The following DPP10 variants were observed in gnomAD, a reference collection of about 807,000 sequenced individuals.
DPP10 encodes dipeptidyl peptidase like 10.
DPP10 carries 33 observed loss-of-function variants against 120.9 expected under a neutral mutation model. The observed-to-expected ratio is 0.27, with a 90% confidence interval of 0.21 to 0.37. The LOEUF is 0.37. Ranked by LOEUF, DPP10 falls within the 10% of genes least tolerant of loss-of-function variation. The pLI is 1.00. For synonymous variants in DPP10, 337 were observed against 326.1 expected, an observed-to-expected ratio of 1.03 and a Z score of -0.36; for missense variants, 816 against 942.8, an observed-to-expected ratio of 0.87 and a Z score of 1.76.
intron 1 of DPP10, among the ~76,000 whole-genome samples, chr2:114,767,032 A>G (rs1240661314): frequency 6.7e-6 from 1 of 150,108 alleles, no homozygotes; most frequent in Admixed American, 6.7e-5. Flanking sequence ...GAGCGAAACT[A>G]GTGAAAATTT....
At chr2:115,256,403 A>AAACCTTGTC (rs2058989039) in intron 1 of DPP10, among the ~76,000 whole-genome samples, 1 of 152,152 alleles carries the variant, frequency 6.6e-6, no homozygotes, top group African/African-American at 2.4e-5. Context: ...AGAGAGCCCC[A>AAACCTTGTC]AACCTTGTCA....
chr2:115,740,470 A>G (rs551250780), intron 9 of DPP10, among the ~76,000 whole-genome samples: 1 of 152,292 alleles, frequency 6.6e-6, no homozygotes, highest in South Asian at 2.1e-4. Flanking sequence ...CCCATAAAGA[A>G]TAGACTAAGC....
intron 1 of DPP10, among the ~76,000 whole-genome samples, chr2:114,971,081 A>G (rs1699359067): frequency 6.6e-6 from 1 of 152,228 alleles, no homozygotes; most frequent in Non-Finnish European, 1.5e-5. Context: ...ATTGAAATAA[A>G]AGAGTAAAAT....
intron 1 of DPP10, among the ~76,000 whole-genome samples, chr2:114,577,054 G>A (rs1037683021): frequency 6.6e-6 from 1 of 152,148 alleles, no homozygotes; most frequent in Non-Finnish European, 1.5e-5. Context: ...ATGTTATCAA[G>A]AGGAAAGAGA....
intron 2 of DPP10, among the ~76,000 whole-genome samples, chr2:115,318,937 T>A (rs1225181056): frequency 6.6e-6 from 1 of 152,154 alleles, no homozygotes; most frequent in African/African-American, 2.4e-5. Flanking sequence ...TGGCTAGAAT[T>A]TCCAGTACAA....
intron 4 of DPP10, among the ~76,000 whole-genome samples, chr2:115,516,590 T>C (rs1175911006): frequency 2.0e-5 from 3 of 146,978 alleles, no homozygotes; most frequent in Admixed American, 7.0e-5. Flanking sequence ...TTTTTTTTTT[T>C]CCAAGTGAAT....
At chr2:115,098,177 G>C (rs549100712) in intron 1 of DPP10, among the ~76,000 whole-genome samples, 1 of 152,242 alleles carries the variant, frequency 6.6e-6, no homozygotes, top group African/African-American at 2.4e-5. Flanking sequence ...CCTTGGCTGA[G>C]GACAATTCCC....
At chr2:115,566,783 TC>T (rs1253669675) in intron 5 of DPP10, among the ~76,000 whole-genome samples, 1 of 152,202 alleles carries the variant, frequency 6.6e-6, no homozygotes, top group Non-Finnish European at 1.5e-5. Context: ...ACATACATTT[TC>T]AAAATATATT....
intron 1 of DPP10, among the ~76,000 whole-genome samples, chr2:114,982,194 A>C (rs997643430): frequency 6.6e-6 from 1 of 152,176 alleles, no homozygotes; most frequent in Non-Finnish European, 1.5e-5. Context: ...AATATGCAGC[A>C]AGCTTTTGTT....
chr2:115,557,414 T>C (rs1311356708), intron 5 of DPP10, among the ~76,000 whole-genome samples: 1 of 152,192 alleles, frequency 6.6e-6, no homozygotes, highest in Non-Finnish European at 1.5e-5. Context: ...CCACGTAAGA[T>C]GGCCGTAGAA....
chr2:115,790,481 T>G (rs1424843733), intron 17 of DPP10, among the ~76,000 whole-genome samples: 1 of 152,212 alleles, frequency 6.6e-6, no homozygotes, highest in Non-Finnish European at 1.5e-5. Context: ...GTCCACTTCA[T>G]GTTTTATCAA....
chr2:114,572,399 G>T (rs1689726033), intron 1 of DPP10, among the ~76,000 whole-genome samples: 1 of 152,172 alleles, frequency 6.6e-6, no homozygotes. Context: ...ACATTGTGAA[G>T]TAGACGAAAA....
intron 1 of DPP10, among the ~76,000 whole-genome samples, chr2:115,170,910 C>T (rs1249929658): frequency 6.6e-6 from 1 of 152,150 alleles, no homozygotes; most frequent in Non-Finnish European, 1.5e-5. Context: ...TCTATTTGCT[C>T]AGCGTCAGTA....
intron 1 of DPP10, among the ~76,000 whole-genome samples, chr2:115,127,242 T>C (rs182412623): frequency 6.6e-5 from 10 of 152,370 alleles, no homozygotes; most frequent in Admixed American, 4.6e-4. Context: ...GTTTCACCTA[T>C]GGAATACTGA....
At chr2:114,769,943 G>T (rs1482790488) in intron 1 of DPP10, among the ~76,000 whole-genome samples, 2 of 152,152 alleles carry the variant, frequency 1.3e-5, no homozygotes, top group Non-Finnish European at 2.9e-5. Flanking sequence ...AAAGGTGTTT[G>T]CTGACTCCAC....
Position 114,447,082 on chromosome 2 carries a change from C to T in DPP10, c.60+4244C>T, listed in dbSNP as rs143847557. ...CGGAGTCTCAGCTCACTGCAACCTCCGCCTCCCAGTTTCAAGTGATTCTCC... is the reference window on the plus strand; with the variant it reads ...CGGAGTCTCAGCTCACTGCAACCTCTGCCTCCCAGTTTCAAGTGATTCTCC... On this transcript the variant is annotated intron_variant, in intron 1 of 25. Transcript: ENST00000410059. Among the ~76,000 whole-genome samples the T allele has an allele frequency of 6.4e-3, 938 of 147,114 alleles. 6 individuals are homozygous for T. The highest frequency in any genetic ancestry group is 0.022 in the African/African-American group (874 of 39,914).
chr2:114,619,491 T>A (rs1693928908), intron 1 of DPP10, among the ~76,000 whole-genome samples: 1 of 151,722 alleles, frequency 6.6e-6, no homozygotes. Context: ...ATCAAAATAC[T>A]CGAACAATTT....
At chr2:115,800,209 G>A (rs1685031649) in intron 19 of DPP10, among the ~76,000 whole-genome samples, 1 of 151,796 alleles carries the variant, frequency 6.6e-6, no homozygotes, top group African/African-American at 2.4e-5. Flanking sequence ...TTTTTCATGT[G>A]TCTTTTGGCT....
intron 1 of DPP10, among the ~76,000 whole-genome samples, chr2:115,001,006 T>C (rs1243387725): frequency 4.6e-5 from 7 of 152,180 alleles, no homozygotes; most frequent in African/African-American, 1.7e-4. Context: ...TCTAAAAGTA[T>C]CTACAACATT....
Sources: gnomAD v4.1 joint callset for allele counts (sites outside exome capture counted in the v4.1 genomes callset) on GRCh38, gnomAD v4.1.1 for gene constraint, MANE v1.5 for transcripts, NCBI Gene and HGNC (gene_info 2026-07-23, HGNC 2026-07-21) for gene names.